Variants in FNDC7 observed in about 807,000 individuals in gnomAD.
The protein encoded by FNDC7 is fibronectin type III domain-containing protein 7.
FNDC7 carries 66 observed loss-of-function variants against 74.2 expected under a neutral mutation model. The observed-to-expected ratio is 0.89, with a 90% CI of 0.73 to 1.09. The LOEUF is 1.09. Ranked by LOEUF, FNDC7 falls within the 50% of genes least tolerant of loss-of-function variation. FNDC7 has a pLI of 0.00. For missense variants in FNDC7, 829 were observed against 893.4 expected, an observed-to-expected ratio of 0.93 and a Z score of 0.92; for synonymous variants, 307 against 330.2, an observed-to-expected ratio of 0.93 and a Z score of 0.76.
intron 4 of FNDC7, among the ~76,000 whole-genome samples, chr1:108,721,455 C>T (rs916473287): frequency 1.3e-5 from 2 of 151,706 alleles, no homozygotes; most frequent in African/African-American, 2.4e-5. Context: ...GGCGACAGAG[C>T]GAGGCTCCGT....
At chr1:108,733,812 G>A (rs1305207521) in intron 10 of FNDC7, among the ~76,000 whole-genome samples, 1 of 151,878 alleles carries the variant, frequency 6.6e-6, no homozygotes, top group Non-Finnish European at 1.5e-5. Context: ...CATCATACCT[G>A]AGTAATTTTT....
Position 108,732,231 on chromosome 1 carries a change from C to A in FNDC7, c.1880-1041C>A, listed in dbSNP as rs1446763766. Among the ~76,000 whole-genome samples, 3 of 151,260 alleles carry A rather than the reference C, an allele frequency of 2.0e-5. No homozygotes were observed. In the South Asian group the frequency reaches 6.3e-4, roughly 32 times the overall value. On this transcript the variant is annotated intron_variant, in intron 9 of 12. Coordinates refer to ENST00000370017, the MANE Select transcript of FNDC7 (RefSeq NM_001144937.3). ...AAAAATAGCCAGGCGTGGTGGCGGG[C>A]GCCTGTAGTCCCAGCTACTCGGGAG... is the stretch of plus-strand genomic sequence containing the variant.
At chr1:108,713,033 G>C (rs1410095624) in intron 1 of FNDC7, 37 bp downstream of exon 1, 20 of 1,515,456 alleles carry the variant, frequency 1.3e-5, no homozygotes, top group Non-Finnish European at 1.7e-5. Flanking sequence ...AACTATTTAG[G>C]GGAAAAAAGA....
At chr1:108,723,627 G>T (rs928150539) in intron 5 of FNDC7, among the ~76,000 whole-genome samples, 4 of 152,326 alleles carry the variant, frequency 2.6e-5, no homozygotes, top group Middle Eastern at 3.4e-3. Context: ...CATTAGAAGC[G>T]ATTATGAGGA....
intron 11 of FNDC7, among the ~76,000 whole-genome samples, chr1:108,740,029 T>TTAAAA (rs1661601999): frequency 9.2e-6 from 1 of 109,228 alleles, no homozygotes; most frequent in Non-Finnish European, 1.8e-5. Context: ...GCCATCTCTC[T>TTAAAA]AAAAAAAAAA....
intron 5 of FNDC7, among the ~76,000 whole-genome samples, chr1:108,723,370 A>G (rs201717708): frequency 4.6e-5 from 7 of 152,314 alleles, no homozygotes; most frequent in South Asian, 4.1e-4. Context: ...GCCAAAGAAA[A>G]TGTTGACAAT....
Position 108,733,300 on chromosome 1 carries a change from A to G in FNDC7, c.1908A>G (p.Leu636=). Residue 636 remains leucine, a synonymous_variant, in exon 10 of 13, where the codon TTA becomes TTG. Transcript: ENST00000370017. ...SGACCPLGVK[L]YRLGPNGIRI... is the part of the protein sequence containing the mutation. ...CCTGCTGCCCTTTGGGGGTGAAATT[A>G]TATAGGCTGGGCCCTAATGGCATCC... is the stretch of plus-strand genomic sequence containing the variant. The G allele has an allele frequency of 6.2e-7, 1 of 1,613,008 alleles. No individual in the cohort carries two copies. The highest frequency in any genetic ancestry group is 8.5e-7 in the Non-Finnish European group (1 of 1,179,082).
chr1:108,739,529 T>G (rs1467259972), intron 11 of FNDC7, among the ~76,000 whole-genome samples: 2 of 152,172 alleles, frequency 1.3e-5, no homozygotes, highest in Non-Finnish European at 2.9e-5. Context: ...TTTTTAGAAA[T>G]GTACAGTCTT....
chr1:108,736,679 G>A lies in FNDC7; in HGVS notation c.2141-816G>A, dbSNP rs569831305. ...TAGAACTCAAGTTCTTTGATGGGAT[G>A]CCATCTCAAGCCTGTAGCCATTTCA... is the stretch of plus-strand genomic sequence containing the variant. On this transcript the variant is annotated intron_variant, in intron 10 of 12. Coordinates refer to ENST00000370017, the MANE Select transcript of FNDC7 (RefSeq NM_001144937.3). Among the ~76,000 whole-genome samples the A allele has an allele frequency of 2.0e-5, 3 of 152,278 alleles. No individual in the cohort carries two copies. The South Asian group carries it at 6.2e-4, about 32-fold the overall frequency.
chr1:108,725,992 A>C lies in FNDC7; in HGVS notation c.1099A>C (p.Asn367His). ...GCAAAGTCCTTTGGGTGACATATTC[A>C]ATTATACCACAGGTAAGTCCCATTT... ...AGQSPLGDIFNYTTAPCCPSD... is the reference protein window; with the variant it reads ...AGQSPLGDIFHYTTAPCCPSD... The change falls in exon 6 of 13, where the codon AAT becomes CAT. Residue 367 changes from asparagine (N) to histidine (H), a missense_variant. Transcript: ENST00000370017. 1 of 1,614,150 alleles carries C rather than the reference A, an allele frequency of 6.2e-7. No homozygotes were observed. Among genetic ancestry groups the C allele is most frequent in the Non-Finnish European group, 8.5e-7 (1 of 1,180,014 alleles).
intron 5 of FNDC7, among the ~76,000 whole-genome samples, chr1:108,723,987 G>C (rs921311424): frequency 6.6e-6 from 1 of 152,206 alleles, no homozygotes; most frequent in Non-Finnish European, 1.5e-5. Context: ...TCATAGGGAT[G>C]ACCTTGACTT....
intron 4 of FNDC7, 80 bp from the exon 5 acceptor site, chr1:108,722,255 G>C: frequency 7.3e-7 from 1 of 1,361,806 alleles, no homozygotes; most frequent in Non-Finnish European, 9.8e-7. Flanking sequence ...TTATCCTCCA[G>C]GCTCTGCAAC....
intron 6 of FNDC7, among the ~76,000 whole-genome samples, chr1:108,727,572 G>C (rs2101083701): frequency 6.6e-6 from 1 of 152,210 alleles, no homozygotes; most frequent in African/African-American, 2.4e-5. Context: ...CAGGGAGTGG[G>C]GGGAGTACAG....
chr1:108,714,199 T>C (rs1431712633), intron 2 of FNDC7, among the ~76,000 whole-genome samples: 1 of 152,154 alleles, frequency 6.6e-6, no homozygotes, highest in Non-Finnish European at 1.5e-5. Flanking sequence ...CCACATAATA[T>C]CAACCATATC....
At chr1:108,727,721 T>C (rs1661248715) in intron 6 of FNDC7, 87 bp from the exon 7 acceptor site, 5 of 1,517,106 alleles carry the variant, frequency 3.3e-6, no homozygotes, top group Non-Finnish European at 3.6e-6. Context: ...TGGCAGAGGC[T>C]CTGGGCATGG....
chr1:108,732,258 CTGAGGCCGGAGAA>C (rs1661401041), intron 9 of FNDC7, among the ~76,000 whole-genome samples: 1 of 147,110 alleles, frequency 6.8e-6, no homozygotes, highest in South Asian at 2.1e-4. Context: ...ACTCGGGAGG[CTGAGGCCGGAGAA>C]TGGCGTGAAC....
intron 10 of FNDC7, among the ~76,000 whole-genome samples, chr1:108,736,963 C>CT (rs1173562405): frequency 0.25 from 24,896 of 98,608 alleles, 4,467 homozygotes; most frequent in Middle Eastern, 0.34. Context: ...GCTTGGCATT[C>CT]TTTTTTTTTT....
At chr1:108,718,701 T>C (rs993882087) in intron 3 of FNDC7, 88 bp from the exon 4 acceptor site, 3 of 1,311,804 alleles carry the variant, frequency 2.3e-6, no homozygotes, top group Non-Finnish European at 3.1e-6. Flanking sequence ...TTATTGTATA[T>C]TATGGATATC....
intron 10 of FNDC7, 37 bp downstream of exon 10, chr1:108,733,569 C>G: frequency 4.4e-6 from 7 of 1,590,046 alleles, no homozygotes; most frequent in Non-Finnish European, 6.0e-6. Context: ...AAAACTAACC[C>G]TGAACTCATA....
Sources: allele counts gnomAD v4.1 joint callset (sites outside exome capture counted in the v4.1 genomes callset), GRCh38; gene constraint gnomAD v4.1.1; transcripts MANE v1.5; gene names NCBI Gene and HGNC (gene_info 2026-07-23, HGNC 2026-07-21).